HDHD2: variants seen among roughly 807,000 people sequenced by gnomAD.
HDHD2 encodes haloacid dehalogenase-like hydrolase domain-containing protein 2.
A neutral mutation model predicts 24.8 loss-of-function variants in HDHD2; 26 were observed. That is an observed-to-expected ratio of 1.05 (90% CI 0.77 to 1.45). The LOEUF is 1.45. Ranked by LOEUF, HDHD2 falls within the 40% of genes most tolerant of loss-of-function variation. The pLI is 0.00. For missense variants in HDHD2, 299 were observed against 313.4 expected (o/e 0.95, Z 0.35); for synonymous variants, 128 against 114.9 (o/e 1.11, Z -0.73).
intron 6 of HDHD2, chr18:47,111,694 C>T (rs1396570369): frequency 3.0e-6 from 3 of 985,234 alleles, no homozygotes; most frequent in African/African-American, 3.5e-5. Flanking sequence ...TCACTTCAGG[C>T]CCCAGGAGCA....
intron 1 of HDHD2, among the ~76,000 whole-genome samples, chr18:47,140,964 ATT>A (rs2063814707): frequency 6.6e-6 from 1 of 152,046 alleles, no homozygotes; most frequent in Non-Finnish European, 1.5e-5. Context: ...AATTTTTTCT[ATT>A]TTTCTTATTT....
Position 47,115,356 on chromosome 18 carries a change from GAAC to G in HDHD2, c.396-11_396-9del, listed in dbSNP as rs1306932867. 6 of 1,600,520 alleles carry G rather than the reference GAAC, an allele frequency of 3.7e-6. No individual in the cohort carries two copies. Among genetic ancestry groups the G allele is most frequent in the African/African-American group, 1.3e-5 (1 of 74,184 alleles). On this transcript the variant is annotated splice_polypyrimidine_tract_variant and intron_variant, in intron 4 of 6. Coordinates refer to ENST00000300605, the MANE Select transcript of HDHD2 (RefSeq NM_032124.5). ...GCTCCATCCAGGAGTAACCTAGAGA[GAAC>G]AACAACAAAAAAAACAAATTGGCTA...
At chr18:47,130,109 T>A (rs1036644182) in intron 4 of HDHD2, 135 bp downstream of exon 4, 3 of 540,020 alleles carry the variant, frequency 5.6e-6, no homozygotes, top group Non-Finnish European at 9.8e-6. Context: ...TTGATGCTGA[T>A]CTTGAAGATG....
chr18:47,117,734 T>C (rs1255589988), intron 4 of HDHD2, among the ~76,000 whole-genome samples: 1 of 152,038 alleles, frequency 6.6e-6, no homozygotes, highest in Non-Finnish European at 1.5e-5. Context: ...TCCCAGCACT[T>C]TGGGAGACCA....
At chr18:47,145,068 G>A (rs1361002879) in intron 1 of HDHD2, among the ~76,000 whole-genome samples, 1 of 152,122 alleles carries the variant, frequency 6.6e-6, no homozygotes, top group Non-Finnish European at 1.5e-5. Flanking sequence ...AAATTCAGAA[G>A]GCCCAACGAA....
At chr18:47,137,861 T>C (rs1599955956) in intron 1 of HDHD2, among the ~76,000 whole-genome samples, 1 of 150,668 alleles carries the variant, frequency 6.6e-6, no homozygotes, top group African/African-American at 2.4e-5. Flanking sequence ...GGTGTTTAAA[T>C]AAACTTCCTG....
chr18:47,146,057 C>T (rs1305832826), intron 1 of HDHD2, among the ~76,000 whole-genome samples: 2 of 151,828 alleles, frequency 1.3e-5, no homozygotes, highest in Non-Finnish European at 2.9e-5. Flanking sequence ...CATGGTGAAA[C>T]CCTGTCTCTA....
intron 4 of HDHD2, among the ~76,000 whole-genome samples, chr18:47,120,804 T>C (rs1410172888): frequency 6.6e-6 from 1 of 152,128 alleles, no homozygotes; most frequent in African/African-American, 2.4e-5. Flanking sequence ...CATCATTGTG[T>C]CTCAGGGAAT....
chr18:47,108,492 A>G lies in HDHD2; in HGVS notation c.*190T>C. The stretch of plus-strand genomic sequence containing the variant: ...GGGTCTCATCTTCAGTTACAAAATA[A>G]AAGAGATTAGCAAGGCTTACTGGCT... On this transcript the variant is annotated 3_prime_UTR_variant, in exon 7 of 7. Coordinates refer to ENST00000300605, the MANE Select transcript of HDHD2 (RefSeq NM_032124.5). 1 of 447,426 alleles carries G rather than the reference A, an allele frequency of 2.2e-6. No homozygotes were observed. Among genetic ancestry groups the G allele is most frequent in the Non-Finnish European group, 3.9e-6 (1 of 257,276 alleles). 27.7% of individuals were successfully genotyped at this position (447,426 alleles called of 1,614,324 possible). A position where few individuals can be genotyped will look rare whatever the true frequency, so the allele number is the denominator to read the frequency against.
intron 3 of HDHD2, among the ~76,000 whole-genome samples, chr18:47,132,845 A>G (rs1472296629): frequency 1.3e-5 from 2 of 152,214 alleles, no homozygotes; most frequent in South Asian, 4.1e-4. Context: ...AAAATATTTC[A>G]TGTTCAATGT....
At chr18:47,114,841 T>C (rs1420541590) in intron 5 of HDHD2, among the ~76,000 whole-genome samples, 1 of 151,198 alleles carries the variant, frequency 6.6e-6, no homozygotes, top group Non-Finnish European at 1.5e-5. Flanking sequence ...ACTATATATA[T>C]AATATACAAA....
intron 5 of HDHD2, among the ~76,000 whole-genome samples, chr18:47,113,880 G>A (rs1402041302): frequency 6.6e-6 from 1 of 152,042 alleles, no homozygotes; most frequent in African/African-American, 2.4e-5. Context: ...TTGCCCTGTT[G>A]AAGAGTGGAG....
intron 2 of HDHD2, among the ~76,000 whole-genome samples, chr18:47,135,032 AT>A (rs59078935): frequency 9.3e-5 from 14 of 150,320 alleles, no homozygotes; most frequent in African/African-American, 1.7e-4. Context: ...CGTGCAACAG[AT>A]TTTTTTTTTA....
intron 1 of HDHD2, among the ~76,000 whole-genome samples, chr18:47,142,558 G>A (rs1477691915): frequency 2.0e-5 from 3 of 152,084 alleles, no homozygotes; most frequent in East Asian, 1.9e-4. Flanking sequence ...GAGTACATAC[G>A]TTCTCATAAA....
chr18:47,113,025 C>T lies in HDHD2; in HGVS notation c.628G>A (p.Val210Ile), dbSNP rs1322148084. 6.2e-7 allele frequency: 1 copy of T among 1,614,156 alleles called. No homozygotes were observed. Among genetic ancestry groups the T allele is most frequent in the South Asian group, 1.1e-5 (1 of 91,082 alleles). Residue 210 changes from valine (V) to isoleucine (I), a missense_variant, in exon 6 of 7, where the codon GTT becomes ATT. Physicochemically the swap from Val to Ile is conservative, Grantham distance 29. Coordinates refer to ENST00000300605, the MANE Select transcript of HDHD2 (RefSeq NM_032124.5). ...VMIGDDCRDD[V>I]GGAQDVGMLG... ...ATGCCGACATCTTGAGCCCCACCAA[C>T]ATCATCCCTGCAATCCTAGAAAAGC...
At chr18:47,127,552 T>C (rs147032006) in intron 4 of HDHD2, among the ~76,000 whole-genome samples, 3 of 152,296 alleles carry the variant, frequency 2.0e-5, no homozygotes, top group Non-Finnish European at 4.4e-5. Context: ...GGTTGGATTA[T>C]AAGTGACTTG....
At chr18:47,114,990 C>A in intron 5 of HDHD2, 142 bp downstream of exon 5, 2 of 596,224 alleles carry the variant, frequency 3.4e-6, no homozygotes, top group East Asian at 2.8e-5. Context: ...GACAGGAAAC[C>A]TCATTTTATA....
Position 47,115,466 on chromosome 18 carries a change from T to G in HDHD2, c.396-118A>C, listed in dbSNP as rs1053383932. ...ACACCCACAGAAACAAATAGTTTCT[T>G]ATTAACTTTTAATGACTTGCTGTCT... On this transcript the variant is annotated intron_variant, in intron 4 of 6. Coordinates refer to ENST00000300605, the MANE Select transcript of HDHD2 (RefSeq NM_032124.5). 100 of 639,714 alleles carry G rather than the reference T, an allele frequency of 1.6e-4. 1 individual carries two copies. Among genetic ancestry groups the G allele is most frequent in the Non-Finnish European group, 2.7e-5 (10 of 374,040 alleles). 39.6% of individuals were successfully genotyped at this position (639,714 alleles called of 1,614,324 possible). A position where few individuals can be genotyped will look rare whatever the true frequency, so the allele number is the denominator to read the frequency against.
At chr18:47,136,317 C>T in intron 2 of HDHD2, 22 bp downstream of exon 2, 1 of 1,613,058 alleles carries the variant, frequency 6.2e-7, no homozygotes. Context: ...TATTTGTCAG[C>T]TGAACCTGGA....
Sources: gnomAD v4.1 joint callset for allele counts (sites outside exome capture counted in the v4.1 genomes callset) on GRCh38, gnomAD v4.1.1 for gene constraint, MANE v1.5 for transcripts, NCBI Gene and HGNC (gene_info 2026-07-23, HGNC 2026-07-21) for gene names.